ARHGAP40: variants seen among roughly 807,000 people sequenced by gnomAD.
The protein encoded by ARHGAP40 is rho GTPase-activating protein 40.
ARHGAP40 carries 43 observed loss-of-function variants against 73.5 expected under a neutral mutation model. The observed-to-expected ratio is 0.58, with a 90% CI of 0.46 to 0.75. ARHGAP40 has a LOEUF of 0.75. Ranked by LOEUF, ARHGAP40 falls within the 30% of genes least tolerant of loss-of-function variation. The pLI is 0.00. For missense variants in ARHGAP40, 734 were observed against 861.8 expected, an observed-to-expected ratio of 0.85 and a Z score of 1.86; for synonymous variants, 300 against 352.8, an observed-to-expected ratio of 0.85 and a Z score of 1.68.
intron 6 of ARHGAP40, 139 bp from the exon 7 acceptor site, chr20:38,637,569 G>C (rs1341249159): frequency 5.5e-6 from 3 of 542,018 alleles, no homozygotes; most frequent in African/African-American, 4.0e-5. Context: ...GAGCGGTTTG[G>C]GTCCAACCAT....
At chr20:38,619,655 G>T (rs2088863966) in intron 1 of ARHGAP40, among the ~76,000 whole-genome samples, 2 of 144,584 alleles carry the variant, frequency 1.4e-5, no homozygotes, top group East Asian at 4.0e-4. Context: ...CTGGTAGTGG[G>T]GCTTTCAACC....
chr20:38,629,079 G>A (rs2088921026), intron 4 of ARHGAP40, 77 bp downstream of exon 4: 3 of 1,120,058 alleles, frequency 2.7e-6, no homozygotes, highest in Non-Finnish European at 3.6e-6. Flanking sequence ...GTAAGAGAAT[G>A]TGCACACCTC....
At chr20:38,624,549 C>T (rs1346156471) in intron 2 of ARHGAP40, among the ~76,000 whole-genome samples, 4 of 152,284 alleles carry the variant, frequency 2.6e-5, no homozygotes, top group African/African-American at 4.8e-5. Flanking sequence ...TCCTCTCTGC[C>T]TCTTCTCCTC....
chr20:38,622,658 T>C (rs527725869), intron 1 of ARHGAP40, among the ~76,000 whole-genome samples: 2 of 152,206 alleles, frequency 1.3e-5, no homozygotes, highest in South Asian at 2.1e-4. Context: ...AACTGGGACC[T>C]GGAAAATCAA....
rs1555889756 is a variant in ARHGAP40 at position 38,603,451 on chromosome 20, A to ATCTATCTATCTATCTATCTG, written c.137+1385_137+1386insCTATCTGTCTATCTATCTAT. 1.3e-3 allele frequency among the ~76,000 whole-genome samples: 197 copies of ATCTATCTATCTATCTATCTG among 150,114 alleles called. 1 individual carries two copies. The highest frequency in any genetic ancestry group is 2.0e-3 in the Non-Finnish European group (137 of 67,710). ...TATCTATCTATCTATCTATCTATCT[A>ATCTATCTATCTATCTATCTG]TCTATCTATCTATTCTATATCTAAT... On this transcript the variant is annotated intron_variant, in intron 1 of 14. Transcript: ENST00000373345.
At chr20:38,614,864 C>G (rs746733930) in intron 1 of ARHGAP40, 1 of 1,082,234 alleles carries the variant, frequency 9.2e-7, no homozygotes, top group Non-Finnish European at 1.4e-6. Flanking sequence ...TACCTCATCA[C>G]GTCCTGAGCG....
exon 8 of ARHGAP40, chr20:38,638,792 A>T: frequency 3.8e-6 from 5 of 1,305,436 alleles, no homozygotes; most frequent in Non-Finnish European, 5.1e-6. Context: ...AGAGGACTGG[A>T]CATGGAAGGC....
intron 10 of ARHGAP40, among the ~76,000 whole-genome samples, chr20:38,642,955 A>G (rs1303916871): frequency 2.6e-5 from 4 of 152,160 alleles, no homozygotes; most frequent in African/African-American, 9.7e-5. Context: ...AGCCTGGCCA[A>G]TATGGTGAAA....
Position 38,623,683 on chromosome 20 carries a change from AG to A in ARHGAP40, c.337+126del, listed in dbSNP as rs1164152032. The stretch of plus-strand genomic sequence containing the variant: ...TTTTCTCTGTTGCCTGGACTGGTGC[AG>A]TATCCTCTTCACTGCTCTCCCTGCT... On this transcript the variant is annotated intron_variant, in intron 2 of 14. Transcript: ENST00000373345. 5 of 741,424 alleles carry A rather than the reference AG, an allele frequency of 6.7e-6. No homozygotes were observed. The East Asian group carries it at 3.7e-4, about 54-fold the overall frequency. The allele number at this position is 741,424 out of a possible 1,614,324, so 45.9% of individuals were successfully genotyped here.
At chr20:38,628,412 C>T (rs2088916449) in intron 3 of ARHGAP40, among the ~76,000 whole-genome samples, 1 of 152,010 alleles carries the variant, frequency 6.6e-6, no homozygotes, top group African/African-American at 2.4e-5. Context: ...TCACGCCGTT[C>T]TCCTGCCTCA....
chr20:38,610,883 C>CTTT (rs60110231), intron 1 of ARHGAP40, among the ~76,000 whole-genome samples: 1 of 139,056 alleles, frequency 7.2e-6, no homozygotes, highest in African/African-American at 2.7e-5. Context: ...GATGTCTTTT[C>CTTT]TTTTTTTTTT....
intron 6 of ARHGAP40, 68 bp from the exon 7 acceptor site, chr20:38,637,640 C>A (rs2088984339): frequency 8.3e-7 from 1 of 1,201,828 alleles, no homozygotes; most frequent in African/African-American, 1.6e-5. Context: ...CCCAGGAGAT[C>A]CTGTAGGTCG....
At chr20:38,629,177 A>C (rs1256849659) in intron 4 of ARHGAP40, among the ~76,000 whole-genome samples, 175 bp downstream of exon 4, 1 of 152,164 alleles carries the variant, frequency 6.6e-6, no homozygotes, top group East Asian at 1.9e-4. Flanking sequence ...TGGGCCCTTA[A>C]GTGAGCTGTT....
intron 1 of ARHGAP40, among the ~76,000 whole-genome samples, chr20:38,622,408 C>T (rs571971169): frequency 5.9e-5 from 9 of 152,100 alleles, no homozygotes; most frequent in African/African-American, 1.7e-4. Flanking sequence ...TATGACCAAC[C>T]CTACCATTTC....
At chr20:38,605,710 G>A (rs971256620) in intron 1 of ARHGAP40, among the ~76,000 whole-genome samples, 2 of 152,110 alleles carry the variant, frequency 1.3e-5, no homozygotes, top group Non-Finnish European at 2.9e-5. Context: ...CATCCTATAG[G>A]ATTTTGTGCT....
chr20:38,640,101 TTCC>T (rs11470546), intron 9 of ARHGAP40, among the ~76,000 whole-genome samples: 6,199 of 146,780 alleles, frequency 0.042, 452 homozygotes, highest in African/African-American at 0.15. Context: ...CTTCTTCTTC[TTCC>T]TCCTCTTCTT....
chr20:38,614,800 C>A, intron 1 of ARHGAP40: 1 of 680,432 alleles, frequency 1.5e-6, no homozygotes. Context: ...TTCCTTGCAC[C>A]ATCGCACGTT....
At chr20:38,615,453 G>A in intron 1 of ARHGAP40, 1 of 703,268 alleles carries the variant, frequency 1.4e-6, no homozygotes, top group Non-Finnish European at 2.6e-6. Flanking sequence ...TCTCAGCCAG[G>A]AACTCGACCT....
chr20:38,640,654 C>T (rs1317860160), intron 9 of ARHGAP40, among the ~76,000 whole-genome samples: 2 of 152,164 alleles, frequency 1.3e-5, no homozygotes, highest in South Asian at 2.1e-4. Context: ...ATTTCTGGCC[C>T]CCTTTCCTCC....
Sources: allele counts gnomAD v4.1 joint callset (sites outside exome capture counted in the v4.1 genomes callset), GRCh38; gene constraint gnomAD v4.1.1; transcripts MANE v1.5; gene names NCBI Gene and HGNC (gene_info 2026-07-23, HGNC 2026-07-21).